Variants in POSTN observed in about 807,000 individuals in gnomAD.
The protein encoded by POSTN is periostin, also known as osteoblast specific factor 2 (fasciclin I-like).
Under a neutral mutation model 104.5 loss-of-function variants are expected in POSTN, and 71 were observed. The ratio of observed to expected loss-of-function variants is 0.68; its 90% CI spans 0.56 to 0.83. POSTN has a LOEUF of 0.83. POSTN is among the 40% of genes least tolerant of loss of function. POSTN has a pLI of 0.00. For missense variants in POSTN, 949 were observed against 1,006.8 expected, an observed-to-expected ratio of 0.94 and a Z score of 0.78; for synonymous variants, 355 against 340.7, an observed-to-expected ratio of 1.04 and a Z score of -0.46.
At chr13:37,578,361 A>T (rs111321016) in intron 15 of POSTN, among the ~76,000 whole-genome samples, 54 of 152,336 alleles carry the variant, frequency 3.5e-4, no homozygotes, top group Non-Finnish European at 6.8e-4. Context: ...TGAAGAAATG[A>T]TGCCATTTCT....
In POSTN at chr13:37,570,667, G is replaced by T; in HGVS notation, c.2182C>A (p.Pro728Thr). The T allele has an allele frequency of 6.3e-7, 1 of 1,593,436 alleles. No homozygotes were observed. The highest frequency in any genetic ancestry group is 8.6e-7 in the Non-Finnish European group (1 of 1,162,206). Residue 728 changes from proline to threonine, a missense_variant and splice_region_variant, in exon 19 of 23, where the codon CCA (proline) becomes ACA (threonine). Transcript: ENST00000379747. ...ETITEVIHGE[P>T]IIKKYTKIID... ...ATTTTGGTGTATTTTTTAATAATTG[G>T]CTCTAAAAGCAGGGGAATACAAATG...
chr13:37,580,536 G>A (rs1415499545), intron 11 of POSTN, 25 bp downstream of exon 11: 2 of 1,613,430 alleles, frequency 1.2e-6, no homozygotes, highest in Middle Eastern at 1.7e-4. Flanking sequence ...CTCATTCTCT[G>A]TGGAGGTGCC....
At chr13:37,595,875 A>T (rs1227006589) in intron 2 of POSTN, among the ~76,000 whole-genome samples, 7 of 146,862 alleles carry the variant, frequency 4.8e-5, no homozygotes, top group African/African-American at 1.8e-4. Context: ...CAGTGGTGCC[A>T]TCTCGGCTCA....
intron 4 of POSTN, 61 bp downstream of exon 4, chr13:37,590,311 A>G (rs1020136803): frequency 2.3e-6 from 3 of 1,309,138 alleles, no homozygotes; most frequent in Admixed American, 5.1e-5. Flanking sequence ...TTAATAAGTC[A>G]GTTAAAATGA....
In POSTN at chr13:37,571,450, G is replaced by C; in HGVS notation, c.2098C>G (p.Leu700Val). The change falls in exon 18 of 23, where the codon CTA becomes GTA. Residue 700 changes from leucine (L) to valine (V), a missense_variant. Coordinates refer to ENST00000379747, the MANE Select transcript of POSTN (RefSeq NM_006475.3). ...QPIIKTEGPT[L>V]TKVKIEGEPE... ...TCACCTTCAATTTTGACTTTTGTTA[G>C]TGTGGGTCCTGGGACATTATTTTAG... 6.2e-7 allele frequency: 1 copy of C among 1,602,174 alleles called. No individual in the cohort carries two copies. The highest frequency in any genetic ancestry group is 8.5e-7 in the Non-Finnish European group (1 of 1,169,832).
chr13:37,579,981 T>G lies in POSTN; in HGVS notation c.1540A>C (p.Ser514Arg). 1 of 1,613,254 alleles carries G rather than the reference T, an allele frequency of 6.2e-7. No homozygotes were observed. The highest frequency in any genetic ancestry group is 8.5e-7 in the Non-Finnish European group (1 of 1,179,348). Residue 514 changes from serine to arginine, a missense_variant, in exon 12 of 23, where the codon AGC becomes CGC. Transcript: ENST00000379747. ...KQDKRFSTFL[S>R]LLEAADLKEL... The stretch of plus-strand genomic sequence containing the variant: ...TTCAAGTCTGCAGCTTCAAGTAGGC[T>G]GAGGAAGGTGCTAAGTGGGAAGAAT...
intron 19 of POSTN, among the ~76,000 whole-genome samples, chr13:37,570,075 A>G (rs1246550755): frequency 1.3e-5 from 2 of 151,962 alleles, no homozygotes. Flanking sequence ...ACAAATACTT[A>G]AAGAATAGCT....
At chr13:37,595,404 T>C (rs770824222) in intron 2 of POSTN, among the ~76,000 whole-genome samples, 12 of 152,280 alleles carry the variant, frequency 7.9e-5, no homozygotes, top group Middle Eastern at 3.4e-3. Context: ...GTCTGCACAA[T>C]AATAGGAATA....
In POSTN at chr13:37,590,362, A is replaced by G; in HGVS notation, c.441+10T>C. The G allele has an allele frequency of 3.3e-6, 5 of 1,513,674 alleles. No individual in the cohort carries two copies. The East Asian group carries it at 1.2e-4, about 37-fold the overall frequency. The allele number at this position is 1,513,674 out of a possible 1,614,324, so 93.8% of individuals were successfully genotyped here. Reference sequence around the variant, plus strand: ...AAAAAATAAATATATTGATAAAAATAATGAATTACAGAATCCAAGTTGTCC... The same window carrying G: ...AAAAAATAAATATATTGATAAAAATGATGAATTACAGAATCCAAGTTGTCC... On this transcript the variant is annotated intron_variant, in intron 4 of 22. Coordinates refer to ENST00000379747, the MANE Select transcript of POSTN (RefSeq NM_006475.3).
Position 37,578,108 on chromosome 13 carries a change from G to A in POSTN, c.1963-310C>T, listed in dbSNP as rs376189207. On this transcript the variant is annotated intron_variant, in intron 15 of 22. Transcript: ENST00000379747. ...CATTGAAAAAGAAGAAAAATATTCC[G>A]TTCCCTTTAATCTGTGATGAGTGAC... Among the ~76,000 whole-genome samples the A allele has an allele frequency of 1.6e-3, 244 of 152,130 alleles. 3 individuals carry two copies. Among genetic ancestry groups the A allele is most frequent in the Non-Finnish European group, 2.2e-3 (150 of 67,970 alleles).
intron 4 of POSTN, 113 bp from the exon 5 acceptor site, chr13:37,588,099 C>A: frequency 2.3e-6 from 2 of 862,366 alleles, no homozygotes; most frequent in South Asian, 1.7e-5. Flanking sequence ...ATCAGATGGT[C>A]ATACAAAATT....
At chr13:37,595,276 A>C (rs1407510305) in intron 2 of POSTN, among the ~76,000 whole-genome samples, 5 of 152,194 alleles carry the variant, frequency 3.3e-5, no homozygotes, top group Admixed American at 2.0e-4. Flanking sequence ...TATAAATAAC[A>C]AAGAGGAAAA....
chr13:37,587,787 T>G, intron 5 of POSTN, 35 bp downstream of exon 5: 1 of 1,441,888 alleles, frequency 6.9e-7, no homozygotes, highest in Non-Finnish European at 9.5e-7. Context: ...AAGAAGGTAT[T>G]TTTCATAAGT....
rs765122652 is a variant in POSTN at position 37,586,138 on chromosome 13, C to T, written c.895+1G>A. The T allele has an allele frequency of 2.5e-6, 4 of 1,609,740 alleles. No individual in the cohort carries two copies. The highest frequency in any genetic ancestry group is 2.2e-5 in the South Asian group (2 of 90,454). ...CCTTAGAGATGAAGACATTAAACTA[C>T]CTTCGGAAGCCACTTTGTCTCCCAT... is the stretch of plus-strand genomic sequence containing the variant. On this transcript the variant is annotated splice_donor_variant, in intron 7 of 22. Coordinates refer to ENST00000379747, the MANE Select transcript of POSTN (RefSeq NM_006475.3). LOFTEE classifies it high-confidence loss of function.
At chr13:37,588,445 T>G (rs955724652) in intron 4 of POSTN, among the ~76,000 whole-genome samples, 2 of 152,218 alleles carry the variant, frequency 1.3e-5, no homozygotes, top group Admixed American at 1.3e-4. Context: ...TATCCAACAC[T>G]ATGTGTCATA....
Position 37,586,210 on chromosome 13 carries a change from G to A in POSTN, c.824C>T (p.Thr275Ile), listed in dbSNP as rs1379021119. 4.3e-6 allele frequency: 7 copies of A among 1,613,780 alleles called. No individual in the cohort carries two copies. The highest frequency in any genetic ancestry group is 5.1e-6 in the Non-Finnish European group (6 of 1,179,756). ...RDGHFTLFAP[T>I]NEAFEKLPRG... ...TGGAAGTTTCTCAAAAGCCTCATTG[G>A]TGGGAGCAAAGAGTGTGAAGTGACC... Residue 275 changes from threonine to isoleucine, a missense_variant, in exon 7 of 23, where the codon ACC becomes ATC. Coordinates refer to ENST00000379747, the MANE Select transcript of POSTN (RefSeq NM_006475.3).
intron 9 of POSTN, 38 bp downstream of exon 9, chr13:37,583,931 G>GT (rs755934546): frequency 1.8e-5 from 29 of 1,579,498 alleles, no homozygotes; most frequent in Non-Finnish European, 2.3e-5. Flanking sequence ...AAAAAGGTGT[G>GT]TAGGCAGAGA....
chr13:37,595,189 C>A (rs2138404451), intron 2 of POSTN, among the ~76,000 whole-genome samples: 1 of 152,116 alleles, frequency 6.6e-6, no homozygotes, highest in Admixed American at 6.5e-5. Context: ...TAAGCATTCT[C>A]CCTAACATTT....
chr13:37,592,557 CAA>C (rs1215700185), intron 2 of POSTN, among the ~76,000 whole-genome samples: 1 of 152,118 alleles, frequency 6.6e-6, no homozygotes, highest in Non-Finnish European at 1.5e-5. Context: ...CTGGGCCTCC[CAA>C]AGTGTTGGGA....
Sources: allele counts gnomAD v4.1 joint callset (sites outside exome capture counted in the v4.1 genomes callset), GRCh38; gene constraint gnomAD v4.1.1; transcripts MANE v1.5; gene names NCBI Gene and HGNC (gene_info 2026-07-23, HGNC 2026-07-21).